Variants in NRXN3 observed in about 807,000 individuals in gnomAD.
NRXN3 encodes neurexin 3.
Under a neutral mutation model 137.6 loss-of-function variants are expected in NRXN3, and 32 were observed. The observed-to-expected ratio is 0.23, with a 90% CI of 0.18 to 0.31. The LOEUF is 0.31. Ranked by LOEUF, NRXN3 falls within the 10% of genes least tolerant of loss-of-function variation. The probability of loss-of-function intolerance (pLI) is 1.00; values close to 1 mark genes in which losing one functional copy is unlikely to be tolerated. For synonymous variants in NRXN3, 798 were observed against 784.5 expected (o/e 1.02, Z -0.29); for missense variants, 1,574 against 2,062.5 (o/e 0.76, Z 4.59).
intron 15 of NRXN3, among the ~76,000 whole-genome samples, chr14:79,369,951 C>T (rs979569854): frequency 1.4e-4 from 21 of 152,200 alleles, no homozygotes; most frequent in African/African-American, 4.8e-4. Context: ...TTTCAGTACA[C>T]TTTCCGTATA....
intron 4 of NRXN3, among the ~76,000 whole-genome samples, chr14:78,604,496 T>G (rs142796513): frequency 3.5e-4 from 54 of 152,210 alleles, no homozygotes; most frequent in African/African-American, 1.3e-3. Flanking sequence ...TGGTGAGAAA[T>G]AGGAAATTTA....
At chr14:78,575,505 C>G (rs1438996913) in intron 4 of NRXN3, among the ~76,000 whole-genome samples, 1 of 152,098 alleles carries the variant, frequency 6.6e-6, no homozygotes, top group Non-Finnish European at 1.5e-5. Flanking sequence ...TCTGGGGATT[C>G]CCAGAAGCCC....
At chr14:79,418,134 T>C (rs2095524222) in intron 15 of NRXN3, among the ~76,000 whole-genome samples, 1 of 152,162 alleles carries the variant, frequency 6.6e-6, no homozygotes, top group African/African-American at 2.4e-5. Flanking sequence ...ATTTCTGACA[T>C]ATGCATGAAG....
At chr14:78,528,114 CT>C (rs2096407012) in intron 4 of NRXN3, among the ~76,000 whole-genome samples, 1 of 152,178 alleles carries the variant, frequency 6.6e-6, no homozygotes, top group South Asian at 2.1e-4. Context: ...TACAGATTAT[CT>C]TTTTCAAATT....
intron 4 of NRXN3, among the ~76,000 whole-genome samples, chr14:78,438,490 A>G (rs2094141946): frequency 6.6e-6 from 1 of 152,302 alleles, no homozygotes; most frequent in Admixed American, 6.5e-5. Context: ...CTGGTATAAG[A>G]GAACAGGTGT....
chr14:78,754,818 C>A (rs1038263732), intron 8 of NRXN3, among the ~76,000 whole-genome samples: 6 of 151,040 alleles, frequency 4.0e-5, no homozygotes, highest in Non-Finnish European at 7.4e-5. Context: ...ACTCGATAAC[C>A]ACCATTTCAG....
intron 16 of NRXN3, among the ~76,000 whole-genome samples, chr14:79,535,437 A>G (rs1405167662): frequency 1.3e-5 from 2 of 152,148 alleles, no homozygotes; most frequent in African/African-American, 4.8e-5. Flanking sequence ...CCTCCAGAGT[A>G]AAAGGTTTGT....
chr14:78,370,703 T>G (rs557694975), intron 4 of NRXN3, among the ~76,000 whole-genome samples: 1 of 152,318 alleles, frequency 6.6e-6, no homozygotes, highest in South Asian at 2.1e-4. Context: ...CATACTAAAT[T>G]TAAAGTCTGT....
chr14:79,153,102 G>A (rs1329958132), intron 15 of NRXN3, among the ~76,000 whole-genome samples: 1 of 151,934 alleles, frequency 6.6e-6, no homozygotes, highest in Non-Finnish European at 1.5e-5. Context: ...GCAAGGAGGT[G>A]GAGAATGAGC....
chr14:78,375,596 G>C lies in NRXN3; in HGVS notation c.757+77736G>C, dbSNP rs2087672151. ...GAGAGACAATCCCTCCATGCTCTAA[G>C]GGATAGGCAATAAACAAGTATATAT... On this transcript the variant is annotated intron_variant, in intron 4 of 20. Coordinates refer to ENST00000335750, the MANE Select transcript of NRXN3 (RefSeq NM_001330195.2). 2.0e-5 allele frequency among the ~76,000 whole-genome samples: 3 copies of C among 152,168 alleles called. 1 individual carries two copies. The highest frequency in any genetic ancestry group is 2.0e-4 in the Admixed American group (3 of 15,270).
Position 79,470,940 on chromosome 14 carries a change from AAG to A in NRXN3, c.3444+3549_3444+3550del, listed in dbSNP as rs370918167. Among the ~76,000 whole-genome samples, 872 of 101,118 alleles carry A rather than the reference AAG, an allele frequency of 8.6e-3. 6 individuals are homozygous for A. The highest frequency in any genetic ancestry group is 0.015 in the South Asian group (43 of 2,890). The allele number at this position is 101,118 out of a possible 152,430, so 66.3% of individuals were successfully genotyped here. A position where few individuals can be genotyped will look rare whatever the true frequency, so the allele number is the denominator to read the frequency against. ...TGTGTGAGAGAGAGAGAGAGAGAGAAAGAGAGAGAGAGTGTGTGTGTGTGTGT... is the reference window on the plus strand; with the variant it reads ...TGTGTGAGAGAGAGAGAGAGAGAGAAAGAGAGAGAGTGTGTGTGTGTGTGT... On this transcript the variant is annotated intron_variant, in intron 16 of 20. Transcript: ENST00000335750.
chr14:78,610,891 C>T (rs2097295328), intron 4 of NRXN3, among the ~76,000 whole-genome samples: 1 of 152,200 alleles, frequency 6.6e-6, no homozygotes, highest in South Asian at 2.1e-4. Flanking sequence ...CATAGGACCA[C>T]TGGAATATAG....
At chr14:78,678,790 A>G (rs1367995583) in intron 6 of NRXN3, among the ~76,000 whole-genome samples, 3 of 152,212 alleles carry the variant, frequency 2.0e-5, no homozygotes, top group Non-Finnish European at 4.4e-5. Context: ...TCAAAGGTGC[A>G]TATATTGCAC....
At chr14:79,152,685 C>G (rs565544943) in intron 15 of NRXN3, among the ~76,000 whole-genome samples, 31 of 151,938 alleles carry the variant, frequency 2.0e-4, no homozygotes, top group Non-Finnish European at 3.7e-4. Flanking sequence ...GACTTATTCA[C>G]TATCATGAGA....
intron 4 of NRXN3, among the ~76,000 whole-genome samples, chr14:78,593,537 T>C (rs567841609): frequency 1.4e-4 from 22 of 152,304 alleles, no homozygotes; most frequent in Non-Finnish European, 2.6e-4. Context: ...TGCTGGTGAC[T>C]TTCCTGAGAC....
chr14:78,893,128 G>A lies in NRXN3; in HGVS notation c.2276-64114G>A, dbSNP rs149723275. On this transcript the variant is annotated intron_variant, in intron 10 of 20. Transcript: ENST00000335750. ...TTCCTTTTCTTTGCCATCCACTTGC[G>A]TCATCTTTCTCTTCCCCTGGGTCAG... Among the ~76,000 whole-genome samples the A allele has an allele frequency of 1.9e-4, 29 of 151,868 alleles. No homozygotes were observed. The East Asian group carries it at 4.7e-3, about 25-fold the overall frequency.
At chr14:78,497,146 A>G (rs2095798281) in intron 4 of NRXN3, among the ~76,000 whole-genome samples, 1 of 152,128 alleles carries the variant, frequency 6.6e-6, no homozygotes, top group Non-Finnish European at 1.5e-5. Flanking sequence ...TGTTTCTTCC[A>G]AGCTTCCTGA....
intron 15 of NRXN3, among the ~76,000 whole-genome samples, chr14:79,227,216 C>A (rs1192857910): frequency 6.6e-6 from 1 of 152,054 alleles, no homozygotes; most frequent in African/African-American, 2.4e-5. Flanking sequence ...TTCGTAGGTA[C>A]CTGGCGTTGT....
At chr14:78,554,514 C>T (rs1259967425) in intron 4 of NRXN3, among the ~76,000 whole-genome samples, 14 of 152,142 alleles carry the variant, frequency 9.2e-5, no homozygotes, top group Non-Finnish European at 1.3e-4. Context: ...CCAGTGAACA[C>T]GTTATAGGTC....
Sources: allele counts gnomAD v4.1 joint callset (sites outside exome capture counted in the v4.1 genomes callset), GRCh38; gene constraint gnomAD v4.1.1; transcripts MANE v1.5; gene names NCBI Gene and HGNC (gene_info 2026-07-23, HGNC 2026-07-21).